Variants in EPHA6 observed in about 807,000 individuals in gnomAD.
The protein encoded by EPHA6 is EPH receptor A6, also known as ephrin type-A receptor 6.
A neutral mutation model predicts 112.0 loss-of-function variants in EPHA6; 50 were observed. That is an observed-to-expected ratio of 0.45 (90% CI 0.36 to 0.56). The LOEUF is 0.56. EPHA6 is among the 20% of genes least tolerant of loss of function. The pLI, the probability that EPHA6 is intolerant of heterozygous loss-of-function variation, is 0.00. For synonymous variants in EPHA6, 529 were observed against 490.7 expected, an observed-to-expected ratio of 1.08 and a Z score of -1.03; for missense variants, 1,280 against 1,417.4, an observed-to-expected ratio of 0.90 and a Z score of 1.56.
Position 96,912,733 on chromosome 3 carries a change from G to A in EPHA6, c.450+45844G>A, listed in dbSNP as rs150006237. ...CTTCCAAGTAGCTAGGACTACAGGT[G>A]TGTGCCACCATGCCCAGCTAATTTT... On this transcript the variant is annotated intron_variant, in intron 2 of 17. Coordinates refer to ENST00000389672, the MANE Select transcript of EPHA6 (RefSeq NM_001080448.3). Among the ~76,000 whole-genome samples the A allele has an allele frequency of 3.2e-3, 488 of 152,154 alleles. 1 individual carries two copies. The highest frequency in any genetic ancestry group is 0.011 in the African/African-American group (458 of 41,522).
At chr3:97,032,355 G>A (rs1316159616) in intron 3 of EPHA6, among the ~76,000 whole-genome samples, 5 of 152,012 alleles carry the variant, frequency 3.3e-5, no homozygotes, top group South Asian at 2.1e-4. Flanking sequence ...GCTAAATGAC[G>A]AGTTAATGGG....
At chr3:96,965,180 G>C (rs575407014) in intron 2 of EPHA6, among the ~76,000 whole-genome samples, 217 of 152,206 alleles carry the variant, frequency 1.4e-3, no homozygotes, top group African/African-American at 4.6e-3. Flanking sequence ...TGTTACAGGA[G>C]CATATTCCTA....
At chr3:97,685,434 C>T (rs1384205452) in intron 14 of EPHA6, among the ~76,000 whole-genome samples, 1 of 152,120 alleles carries the variant, frequency 6.6e-6, no homozygotes, top group Non-Finnish European at 1.5e-5. Flanking sequence ...GTCATATAAC[C>T]TCCCAAACCT....
intron 14 of EPHA6, among the ~76,000 whole-genome samples, chr3:97,663,981 T>C (rs948092763): frequency 7.2e-5 from 11 of 152,180 alleles, no homozygotes; most frequent in African/African-American, 2.4e-4. Context: ...TTTCTCCACA[T>C]CCTCTCCAGC....
At chr3:97,363,204 AT>A (rs1462570734) in intron 5 of EPHA6, among the ~76,000 whole-genome samples, 19 of 83,974 alleles carry the variant, frequency 2.3e-4, no homozygotes, top group African/African-American at 1.5e-3. Flanking sequence ...ATATATATAT[AT>A]ATATATATAT....
chr3:96,843,904 A>G (rs566170459), intron 1 of EPHA6, among the ~76,000 whole-genome samples: 1 of 152,176 alleles, frequency 6.6e-6, no homozygotes, highest in African/African-American at 2.4e-5. Context: ...AAAACCCAAT[A>G]TTACTCAGTA....
At chr3:97,327,531 A>G (rs1177855491) in intron 5 of EPHA6, among the ~76,000 whole-genome samples, 1 of 151,686 alleles carries the variant, frequency 6.6e-6, no homozygotes, top group East Asian at 1.9e-4. Flanking sequence ...ATAAAATTGT[A>G]TCACCTATGT....
At chr3:97,596,020 C>T (rs1028107345) in intron 12 of EPHA6, among the ~76,000 whole-genome samples, 19 of 151,322 alleles carry the variant, frequency 1.3e-4, no homozygotes, top group Admixed American at 3.3e-4. Flanking sequence ...ATTCTCCTGC[C>T]TCAGCCTCAC....
intron 5 of EPHA6, among the ~76,000 whole-genome samples, chr3:97,354,908 G>A (rs1193820685): frequency 2.6e-5 from 4 of 152,270 alleles, no homozygotes; most frequent in African/African-American, 9.6e-5. Flanking sequence ...TCTGGCAGAA[G>A]ACTTCTCAGT....
chr3:97,639,434 A>G (rs951420347), intron 14 of EPHA6, among the ~76,000 whole-genome samples: 2 of 152,080 alleles, frequency 1.3e-5, no homozygotes, highest in African/African-American at 2.4e-5. Context: ...TTTTCCATTA[A>G]GCACATTATT....
At chr3:97,582,906 A>T (rs1200103927) in intron 11 of EPHA6, among the ~76,000 whole-genome samples, 1 of 152,002 alleles carries the variant, frequency 6.6e-6, no homozygotes, top group Non-Finnish European at 1.5e-5. Context: ...AATCCAGAAC[A>T]TTCTCTTTTA....
Position 97,507,548 on chromosome 3 carries a change from C to T in EPHA6, c.2200+23489C>T, listed in dbSNP as rs184669634. 7.5e-4 allele frequency among the ~76,000 whole-genome samples: 114 copies of T among 152,220 alleles called. 1 individual carries two copies. In the East Asian group the frequency reaches 0.014, roughly 19 times the overall value. On this transcript the variant is annotated intron_variant, in intron 10 of 17. Coordinates refer to ENST00000389672, the MANE Select transcript of EPHA6 (RefSeq NM_001080448.3). ...CGTGGTGGATAAGCTTTTTGATATGCTGGCAGATCGTTTTGCCAGTATTTT... is the reference window on the plus strand; with the variant it reads ...CGTGGTGGATAAGCTTTTTGATATGTTGGCAGATCGTTTTGCCAGTATTTT...
chr3:97,198,907 G>A (rs1392380546), intron 3 of EPHA6, among the ~76,000 whole-genome samples: 1 of 152,076 alleles, frequency 6.6e-6, no homozygotes, highest in Non-Finnish European at 1.5e-5. Flanking sequence ...GATGATGACT[G>A]ATTCAGAAGG....
chr3:97,015,017 T>C (rs953600295), intron 3 of EPHA6, among the ~76,000 whole-genome samples: 1 of 152,134 alleles, frequency 6.6e-6, no homozygotes, highest in Admixed American at 6.6e-5. Context: ...TAATGAACCC[T>C]CCACCAACAA....
At chr3:97,646,441 A>G (rs2094064310) in intron 14 of EPHA6, 1 of 712,608 alleles carries the variant, frequency 1.4e-6, no homozygotes, top group African/African-American at 1.8e-5. Flanking sequence ...AAATTCTAAT[A>G]TTTTCTTCTT....
chr3:97,472,774 A>T (rs2091264140), intron 7 of EPHA6, among the ~76,000 whole-genome samples: 1 of 151,828 alleles, frequency 6.6e-6, no homozygotes, highest in Non-Finnish European at 1.5e-5. Flanking sequence ...TTTTACAGAC[A>T]TGAAATCAAG....
intron 1 of EPHA6, among the ~76,000 whole-genome samples, chr3:96,828,825 C>G (rs2033832707): frequency 6.6e-6 from 1 of 152,112 alleles, no homozygotes; most frequent in Non-Finnish European, 1.5e-5. Flanking sequence ...TGCCTGATAT[C>G]CAGCCAAGAG....
At chr3:97,275,382 A>T (rs538021778) in intron 5 of EPHA6, among the ~76,000 whole-genome samples, 1 of 152,294 alleles carries the variant, frequency 6.6e-6, no homozygotes, top group Admixed American at 6.5e-5. Flanking sequence ...GCTGAGCCTG[A>T]TGGGTGTCAG....
At chr3:97,640,994 A>G (rs140402487) in intron 14 of EPHA6, among the ~76,000 whole-genome samples, 184 of 152,328 alleles carry the variant, frequency 1.2e-3, no homozygotes, top group African/African-American at 4.3e-3. Flanking sequence ...TTATGATTCA[A>G]TAATTAATTG....
Sources: allele counts gnomAD v4.1 joint callset (sites outside exome capture counted in the v4.1 genomes callset), GRCh38; gene constraint gnomAD v4.1.1; transcripts MANE v1.5; gene names NCBI Gene and HGNC (gene_info 2026-07-23, HGNC 2026-07-21).